The following GSPT1 variants were observed in gnomAD, a reference collection of about 807,000 sequenced individuals.
GSPT1 encodes G1 to S phase transition 1.
In GSPT1, 20 loss-of-function variants were observed where a neutral mutation model predicts 72.5. The ratio of observed to expected loss-of-function variants is 0.28; its 90% confidence interval spans 0.19 to 0.40. The LOEUF is 0.40. Ranked by LOEUF, GSPT1 falls within the 10% of genes least tolerant of loss-of-function variation. The probability of loss-of-function intolerance (pLI) is 1.00; values close to 1 mark genes in which losing one functional copy is unlikely to be tolerated. For missense variants in GSPT1, 580 were observed against 811.9 expected, an observed-to-expected ratio of 0.71 and a Z score of 3.47; for synonymous variants, 334 against 293.5, an observed-to-expected ratio of 1.14 and a Z score of -1.41.
intron 5 of GSPT1, among the ~76,000 whole-genome samples, chr16:11,892,155 G>A (rs960088062): frequency 6.6e-5 from 10 of 150,888 alleles, no homozygotes; most frequent in Admixed American, 6.6e-5. Flanking sequence ...ACCAGCCAGT[G>A]CAACACAGTG....
chr16:11,877,392 C>T lies in GSPT1; in HGVS notation c.1602+15G>A, dbSNP rs1567434905. On this transcript the variant is annotated intron_variant, in intron 12 of 14. Coordinates refer to ENST00000434724, the MANE Select transcript of GSPT1 (RefSeq NM_002094.4). This position sits in a 1 kb window ranked among gnomAD's most constrained non-coding sequence, Gnocchi z 4.0. ...ACATTAAAACCCACTATGACAACAA[C>T]AATAATTTGTTTACCTGGGCATCAA... 3 of 1,544,628 alleles carry T rather than the reference C, an allele frequency of 1.9e-6. No individual in the cohort carries two copies. The highest frequency in any genetic ancestry group is 2.6e-6 in the Non-Finnish European group (3 of 1,141,488).
intron 1 of GSPT1, among the ~76,000 whole-genome samples, chr16:11,906,765 A>G (rs527859587): frequency 2.6e-5 from 4 of 152,222 alleles, no homozygotes; most frequent in African/African-American, 9.6e-5. Flanking sequence ...TTAGGCTAAG[A>G]TAATAAATCC....
At chr16:11,914,335 T>G (rs2150896568) in intron 1 of GSPT1, among the ~76,000 whole-genome samples, 1 of 152,310 alleles carries the variant, frequency 6.6e-6, no homozygotes, top group African/African-American at 2.4e-5. Flanking sequence ...AATACATAAG[T>G]TCACTCACCG....
chr16:11,870,268 T>C lies in GSPT1; in HGVS notation c.*2851A>G, dbSNP rs1485548765. On this transcript the variant is annotated 3_prime_UTR_variant, in exon 15 of 15. Coordinates refer to ENST00000434724, the MANE Select transcript of GSPT1 (RefSeq NM_002094.4). ...CAAATTAAAAACAAGAAATGAGTGC[T>C]GTATTTCCCCCTCTCCCACAGTAAG... 6.6e-6 allele frequency: 1 copy of C among 152,246 alleles called. No homozygotes were observed. The highest frequency in any genetic ancestry group is 1.5e-5 in the Non-Finnish European group (1 of 68,044). 9.4% of individuals were successfully genotyped at this position (152,246 alleles called of 1,614,324 possible).
intron 6 of GSPT1, among the ~76,000 whole-genome samples, chr16:11,889,331 T>TC (rs1307160812): frequency 1.0e-3 from 120 of 116,974 alleles, no homozygotes; most frequent in South Asian, 5.7e-3. Context: ...CTCTTCTTCT[T>TC]TTTTTTTTTT....
intron 11 of GSPT1, among the ~76,000 whole-genome samples, chr16:11,882,772 T>C (rs917601479): frequency 1.3e-5 from 2 of 151,328 alleles, no homozygotes; most frequent in African/African-American, 4.9e-5. Context: ...CTGGTCAACA[T>C]AGTGAGACCC....
chr16:11,873,884 G>A lies in GSPT1; in HGVS notation c.1862-713C>T, dbSNP rs118157305. On this transcript the variant is annotated intron_variant, in intron 14 of 14. Transcript: ENST00000434724. ...GATTACAGGGGTGAGCCACCACACTGGGCCAAAAAACCTCTTTGGATTAAA... is the reference window on the plus strand; with the variant it reads ...GATTACAGGGGTGAGCCACCACACTAGGCCAAAAAACCTCTTTGGATTAAA... Among the ~76,000 whole-genome samples the A allele has an allele frequency of 5.0e-3, 757 of 152,220 alleles. 2 individuals are homozygous for A. Among genetic ancestry groups the A allele is most frequent in the Non-Finnish European group, 8.1e-3 (554 of 68,008 alleles).
intron 11 of GSPT1, among the ~76,000 whole-genome samples, chr16:11,880,546 T>G (rs1464687729): frequency 6.6e-6 from 1 of 152,200 alleles, no homozygotes; most frequent in Non-Finnish European, 1.5e-5. Context: ...AGACCCAGCC[T>G]GGTCTCAAAA....
chr16:11,879,149 C>A lies in GSPT1; in HGVS notation c.1429-1569G>T, dbSNP rs187378969. Among the ~76,000 whole-genome samples the A allele has an allele frequency of 4.1e-3, 618 of 151,516 alleles. 4 individuals are homozygous for A. Among genetic ancestry groups the A allele is most frequent in the African/African-American group, 0.014 (592 of 41,268 alleles). On this transcript the variant is annotated intron_variant, in intron 11 of 14. Transcript: ENST00000434724. ...CAGTGGCTCACACCTGTAATCCCAG[C>A]ACTTTGGGAGGCCAAGGTGGGTGGA...
Position 11,903,745 on chromosome 16 carries a change from T to A in GSPT1, c.353-5710A>T, listed in dbSNP as rs117955402. 9.1e-3 allele frequency among the ~76,000 whole-genome samples: 1,390 copies of A among 152,310 alleles called. 18 individuals carry two copies. The highest frequency in any genetic ancestry group is 0.024 in the South Asian group (117 of 4,826). ...TAGAATTGCTGGTTGTACAACACAG[T>A]GTGAATGTACTAAATGCCACTGAAT... On this transcript the variant is annotated intron_variant, in intron 1 of 14. Transcript: ENST00000434724.
Position 11,875,831 on chromosome 16 carries a change from T to C in GSPT1, c.1791A>G (p.Thr597=). Residue 597 remains threonine, a synonymous_variant, in exon 14 of 15, where the codon ACA becomes ACG. Transcript: ENST00000434724. ...QDQVCIARLR[T]AGTICLETFK... ...AGGTCTCAAGGCAGATGGTTCCTGC[T>C]GTCCTTAAGCGAGCAATGCATACTT... is the stretch of plus-strand genomic sequence containing the variant. 1 of 1,613,782 alleles carries C rather than the reference T, an allele frequency of 6.2e-7. No homozygotes were observed. Among genetic ancestry groups the C allele is most frequent in the South Asian group, 1.1e-5 (1 of 91,042 alleles).
intron 5 of GSPT1, among the ~76,000 whole-genome samples, chr16:11,892,350 A>C (rs975848385): frequency 6.6e-6 from 1 of 151,306 alleles, no homozygotes; most frequent in African/African-American, 2.4e-5. Context: ...CTCTAAAAAA[A>C]ACAAAAAATC....
At chr16:11,911,587 A>G (rs1185823284) in intron 1 of GSPT1, among the ~76,000 whole-genome samples, 4 of 140,232 alleles carry the variant, frequency 2.9e-5, no homozygotes, top group Non-Finnish European at 6.0e-5. Context: ...CAGAGTGTCA[A>G]TGTCGCCCAG....
In GSPT1 at chr16:11,872,484, G is replaced by A. The variant is rs1446395251; in HGVS notation, c.*635C>T. ...TGTATGCATTAACCATCAAAAGAAG[G>A]GGTCAAACTAATCCTTTCCTTTAAT... On this transcript the variant is annotated 3_prime_UTR_variant, in exon 15 of 15. Coordinates refer to ENST00000434724, the MANE Select transcript of GSPT1 (RefSeq NM_002094.4). The A allele has an allele frequency of 2.0e-5, 3 of 152,056 alleles. No homozygotes were observed. The highest frequency in any genetic ancestry group is 4.4e-5 in the Non-Finnish European group (3 of 68,016). 9.4% of individuals were successfully genotyped at this position (152,056 alleles called of 1,614,324 possible).
chr16:11,876,415 A>G (rs1381715035), intron 12 of GSPT1, among the ~76,000 whole-genome samples: 1 of 152,140 alleles, frequency 6.6e-6, no homozygotes, highest in Non-Finnish European at 1.5e-5. Flanking sequence ...CTTCTTGGCA[A>G]GTCCCTGGTC....
At position 11,877,166 on chromosome 16, in the gene GSPT1, C is replaced by T. The variant is rs1567434755; in HGVS notation, c.1602+241G>A. Among the ~76,000 whole-genome samples the T allele has an allele frequency of 6.6e-6, 1 of 152,190 alleles. No individual in the cohort carries two copies. The highest frequency in any genetic ancestry group is 6.5e-5 in the Admixed American group (1 of 15,278). On this transcript the variant is annotated intron_variant, in intron 12 of 14. Transcript: ENST00000434724. This position sits in a 1 kb window ranked among gnomAD's most constrained non-coding sequence, Gnocchi z 4.0. ...TAGAATGTATCATCAGGAGATCAAA[C>T]ATAAAAAGGAACTTACAAAGAATAC...
chr16:11,869,072 T>G lies in GSPT1; in HGVS notation c.*4047A>C, dbSNP rs1295962258. ...CTCAGTAAGTTCTAGGATATTAAAG[T>G]CAAGAATATCCTAGAGCCAAAAACC... On this transcript the variant is annotated 3_prime_UTR_variant, in exon 15 of 15. Coordinates refer to ENST00000434724, the MANE Select transcript of GSPT1 (RefSeq NM_002094.4). 2 of 152,158 alleles carry G rather than the reference T, an allele frequency of 1.3e-5. No homozygotes were observed. Among genetic ancestry groups the G allele is most frequent in the Non-Finnish European group, 2.9e-5 (2 of 68,026 alleles). The allele number at this position is 152,158 out of a possible 1,614,324, so 9.4% of individuals were successfully genotyped here.
intron 1 of GSPT1, among the ~76,000 whole-genome samples, chr16:11,910,037 C>A (rs560934403): frequency 1.3e-5 from 2 of 152,104 alleles, no homozygotes; most frequent in African/African-American, 2.4e-5. Context: ...TTTGAAGTTA[C>A]GATGAGCTAT....
intron 6 of GSPT1, among the ~76,000 whole-genome samples, chr16:11,888,717 G>A (rs906166450): frequency 9.9e-5 from 15 of 152,056 alleles, no homozygotes; most frequent in Non-Finnish European, 1.9e-4. Context: ...AGCTGAGATC[G>A]CGCCACTGCA....
Sources: gnomAD v4.1 joint callset for allele counts (sites outside exome capture counted in the v4.1 genomes callset) on GRCh38, gnomAD v4.1.1 for gene constraint, Gnocchi (gnomAD v3.1) non-coding constraint, MANE v1.5 for transcripts, NCBI Gene and HGNC (gene_info 2026-07-23, HGNC 2026-07-21) for gene names.